COL22A1: variants seen among roughly 807,000 people sequenced by gnomAD.
COL22A1 encodes the protein collagen alpha-1(XXII) chain.
A neutral mutation model predicts 248.9 loss-of-function variants in COL22A1; 221 were observed. The observed-to-expected ratio is 0.89, with a 90% CI of 0.80 to 0.99. The LOEUF is 0.99. COL22A1 is among the 50% of genes least tolerant of loss of function. COL22A1 has a pLI of 0.00. For synonymous variants in COL22A1, 891 were observed against 793.4 expected (o/e 1.12, Z -2.07); for missense variants, 2,240 against 2,179.0 (o/e 1.03, Z -0.56).
At chr8:138,838,593 C>T (rs903102271) in intron 4 of COL22A1, among the ~76,000 whole-genome samples, 2 of 149,002 alleles carry the variant, frequency 1.3e-5, no homozygotes, top group African/African-American at 4.9e-5. Flanking sequence ...TTATTGGTTT[C>T]AGTGAACAAA....
At chr8:138,753,603 T>C (rs1832774079) in intron 21 of COL22A1, among the ~76,000 whole-genome samples, 1 of 152,208 alleles carries the variant, frequency 6.6e-6, no homozygotes, top group African/African-American at 2.4e-5. Flanking sequence ...CATCTAGAAA[T>C]TGCAAATGTT....
intron 3 of COL22A1, among the ~76,000 whole-genome samples, chr8:138,848,899 C>T (rs1221999857): frequency 6.6e-6 from 1 of 152,176 alleles, no homozygotes; most frequent in Non-Finnish European, 1.5e-5. Flanking sequence ...GCCAGGGCAG[C>T]CCTGCCGGAT....
chr8:138,763,214 C>T (rs1833641965), intron 16 of COL22A1, among the ~76,000 whole-genome samples: 1 of 152,046 alleles, frequency 6.6e-6, no homozygotes, highest in Non-Finnish European at 1.5e-5. Context: ...TGGTGAAACC[C>T]CATCTCTACC....
chr8:138,812,769 T>C (rs1818349610), intron 8 of COL22A1, among the ~76,000 whole-genome samples, 170 bp downstream of exon 8: 1 of 152,106 alleles, frequency 6.6e-6, no homozygotes, highest in South Asian at 2.1e-4. Context: ...TGGAGGAACC[T>C]GCATGGCTTG....
intron 56 of COL22A1, among the ~76,000 whole-genome samples, chr8:138,610,920 G>T (rs1049071296): frequency 1.3e-5 from 2 of 151,924 alleles, no homozygotes; most frequent in Admixed American, 6.6e-5. Flanking sequence ...TTTTAAATTC[G>T]CTGGGCATGG....
At chr8:138,728,512 G>T (rs1830486033) in intron 23 of COL22A1, among the ~76,000 whole-genome samples, 1 of 152,014 alleles carries the variant, frequency 6.6e-6, no homozygotes, top group African/African-American at 2.4e-5. Flanking sequence ...TTCAAAAAAG[G>T]TGAGCCCAGG....
rs147142435 is a variant in COL22A1, at chr8:138,752,528, A to C, written c.2032-1017T>G. 4.3e-3 allele frequency among the ~76,000 whole-genome samples: 660 copies of C among 152,252 alleles called. 5 individuals are homozygous for C. The highest frequency in any genetic ancestry group is 0.015 in the African/African-American group (635 of 41,546). On this transcript the variant is annotated intron_variant, in intron 21 of 64. Transcript: ENST00000303045. Reference sequence around the variant, plus strand: ...TCTTCCTAACAAGGAGATTCTGTTGAGCTCAGGACACACAGAAAGAGAAGG... The same window carrying C: ...TCTTCCTAACAAGGAGATTCTGTTGCGCTCAGGACACACAGAAAGAGAAGG...
chr8:138,682,758 G>A (rs975600451), intron 39 of COL22A1, among the ~76,000 whole-genome samples: 3 of 152,110 alleles, frequency 2.0e-5, no homozygotes, highest in Non-Finnish European at 4.4e-5. Context: ...GGAATGCAAT[G>A]GCATGATCTC....
chr8:138,869,479 G>A lies in COL22A1; in HGVS notation c.658+8271C>T, dbSNP rs16909736. On this transcript the variant is annotated intron_variant, in intron 3 of 64. Coordinates refer to ENST00000303045, the MANE Select transcript of COL22A1 (RefSeq NM_152888.3). ...GCTCGTTGCTTCTAATACATGGGTCGTACAGTTTTAGGCAGAGGCAGGAGT... is the reference window on the plus strand; with the variant it reads ...GCTCGTTGCTTCTAATACATGGGTCATACAGTTTTAGGCAGAGGCAGGAGT... Among the ~76,000 whole-genome samples the A allele has an allele frequency of 6.3e-3, 953 of 152,228 alleles. 13 individuals are homozygous for A. Among genetic ancestry groups the A allele is most frequent in the African/African-American group, 0.022 (906 of 41,538 alleles).
At chr8:138,620,697 G>A (rs1243399193) in intron 52 of COL22A1, 2 of 152,182 alleles carry the variant, frequency 1.3e-5, no homozygotes, top group Admixed American at 1.3e-4. Context: ...TGTCACTGAC[G>A]CCTGACTCTT....
rs906821176 is a variant in COL22A1, at chr8:138,850,259, C to A, written c.659-6101G>T. On this transcript the variant is annotated intron_variant, in intron 3 of 64. Coordinates refer to ENST00000303045, the MANE Select transcript of COL22A1 (RefSeq NM_152888.3). ...GGCCCAGATCCTCTGGCTGTTCAAT[C>A]CACATCTCCCAGATCCTTTAGGCAG... Among the ~76,000 whole-genome samples, 11 of 152,322 alleles carry A rather than the reference C, an allele frequency of 7.2e-5. No individual in the cohort carries two copies. In the East Asian group the frequency reaches 2.1e-3, roughly 29 times the overall value.
intron 30 of COL22A1, among the ~76,000 whole-genome samples, chr8:138,711,728 A>G (rs1430726626): frequency 1.3e-5 from 2 of 152,166 alleles, no homozygotes; most frequent in Non-Finnish European, 2.9e-5. Context: ...GCAGAAAAAG[A>G]TCTGGAAATT....
chr8:138,715,425 C>A (rs1829350799), intron 30 of COL22A1, among the ~76,000 whole-genome samples: 1 of 151,742 alleles, frequency 6.6e-6, no homozygotes, highest in South Asian at 2.1e-4. Flanking sequence ...AAAAATTAGC[C>A]AGGTGTGGTG....
chr8:138,827,576 G>C (rs1456542345), intron 5 of COL22A1, among the ~76,000 whole-genome samples: 2 of 152,010 alleles, frequency 1.3e-5, no homozygotes, highest in Non-Finnish European at 2.9e-5. Flanking sequence ...CCAGGTTCCT[G>C]CCTGGCCTGT....
In COL22A1 at chr8:138,723,136, G is replaced by A. The variant is rs79642882; in HGVS notation, c.2248-1047C>T. On this transcript the variant is annotated intron_variant, in intron 25 of 64. Coordinates refer to ENST00000303045, the MANE Select transcript of COL22A1 (RefSeq NM_152888.3). ...CATTAGGGAAATCATTTCCCCCAGC[G>A]GAATATCTTCTGTGCTATTGCTTTC... 5.5e-4 allele frequency among the ~76,000 whole-genome samples: 84 copies of A among 152,200 alleles called. No homozygotes were observed. In the East Asian group the frequency reaches 0.015, roughly 27 times the overall value.
At chr8:138,778,468 T>C in intron 14 of COL22A1, 62 bp from the exon 15 acceptor site, 1 of 1,447,080 alleles carries the variant, frequency 6.9e-7, no homozygotes, top group Non-Finnish European at 9.3e-7. Context: ...AGTGCAGCCG[T>C]ACAGCTCAGC....
chr8:138,884,583 A>G (rs1408852676), intron 1 of COL22A1, among the ~76,000 whole-genome samples: 1 of 152,110 alleles, frequency 6.6e-6, no homozygotes, highest in African/African-American at 2.4e-5. Context: ...TCGGGAGCAA[A>G]CTCATTTACC....
chr8:138,840,859 G>A (rs1344829479), intron 4 of COL22A1, among the ~76,000 whole-genome samples: 1 of 152,146 alleles, frequency 6.6e-6, no homozygotes, highest in African/African-American at 2.4e-5. Flanking sequence ...CAATTCACCT[G>A]CCTTGGCTTC....
chr8:138,652,136 TC>T (rs1822796345), intron 45 of COL22A1, among the ~76,000 whole-genome samples: 1 of 152,170 alleles, frequency 6.6e-6, no homozygotes. Flanking sequence ...CCCGAGTCCC[TC>T]CTGGCCCTGC....
Sources: allele counts gnomAD v4.1 joint callset (sites outside exome capture counted in the v4.1 genomes callset), GRCh38; gene constraint gnomAD v4.1.1; transcripts MANE v1.5; gene names NCBI Gene and HGNC (gene_info 2026-07-23, HGNC 2026-07-21).